The following KCNT2 variants were observed in gnomAD, a reference collection of about 807,000 sequenced individuals.
KCNT2 encodes the protein potassium sodium-activated channel subfamily T member 2, also known as potassium channel subfamily T member 2.
Under a neutral mutation model 153.8 loss-of-function variants are expected in KCNT2, and 67 were observed. The ratio of observed to expected loss-of-function variants is 0.44; its 90% CI spans 0.36 to 0.53. KCNT2 has a LOEUF of 0.53. Among genes scored for constraint, KCNT2 ranks in the 20% least tolerant of loss-of-function variants. The pLI is 0.00. For missense variants in KCNT2, 975 were observed against 1,354.8 expected (o/e 0.72, Z 4.40); for synonymous variants, 500 against 458.8 (o/e 1.09, Z -1.15).
chr1:196,530,879 C>A (rs1654843987), intron 1 of KCNT2, among the ~76,000 whole-genome samples: 1 of 152,028 alleles, frequency 6.6e-6, no homozygotes, highest in African/African-American at 2.4e-5. Context: ...GCTCATTTAA[C>A]AATAGGCCAT....
chr1:196,450,817 G>A (rs539697789), intron 8 of KCNT2, among the ~76,000 whole-genome samples: 6 of 151,924 alleles, frequency 3.9e-5, no homozygotes, highest in African/African-American at 4.8e-5. Flanking sequence ...ATCTGAGTAC[G>A]TTCTTCAAAT....
chr1:196,352,684 G>T (rs973310136), intron 14 of KCNT2, among the ~76,000 whole-genome samples: 5 of 152,012 alleles, frequency 3.3e-5, no homozygotes, highest in Admixed American at 3.3e-4. Context: ...TTTTTGAAGG[G>T]TTTTTTGTGC....
chr1:196,466,541 T>A (rs920397598), intron 7 of KCNT2, among the ~76,000 whole-genome samples: 3 of 152,110 alleles, frequency 2.0e-5, no homozygotes, highest in Non-Finnish European at 4.4e-5. Context: ...CAAACAAGTA[T>A]AATTTTCAAT....
At chr1:196,412,082 T>C (rs1000828756) in intron 12 of KCNT2, among the ~76,000 whole-genome samples, 1 of 151,842 alleles carries the variant, frequency 6.6e-6, no homozygotes, top group African/African-American at 2.4e-5. Flanking sequence ...TGATGTGTTC[T>C]ATAAATAATG....
chr1:196,518,034 T>C (rs1288785122), intron 1 of KCNT2, among the ~76,000 whole-genome samples: 3 of 152,118 alleles, frequency 2.0e-5, no homozygotes, highest in Non-Finnish European at 4.4e-5. Context: ...GTCACATACA[T>C]AGGAAACCCC....
At chr1:196,259,114 A>G (rs1388423605) in intron 25 of KCNT2, among the ~76,000 whole-genome samples, 1 of 152,166 alleles carries the variant, frequency 6.6e-6, no homozygotes, top group Non-Finnish European at 1.5e-5. Flanking sequence ...ATATTAAAAC[A>G]TAATTCAGGA....
chr1:196,241,184 T>C (rs1423730061), intron 26 of KCNT2, among the ~76,000 whole-genome samples: 1 of 150,584 alleles, frequency 6.6e-6, no homozygotes, highest in Non-Finnish European at 1.5e-5. Context: ...AGAAAGAGGG[T>C]TTTGTTTTGT....
intron 1 of KCNT2, among the ~76,000 whole-genome samples, chr1:196,513,549 A>G (rs1238464624): frequency 6.6e-6 from 1 of 152,222 alleles, no homozygotes; most frequent in African/African-American, 2.4e-5. Flanking sequence ...TTCAACAAGA[A>G]TATTCATTTG....
intron 1 of KCNT2, among the ~76,000 whole-genome samples, chr1:196,505,611 T>C (rs1347691473): frequency 6.6e-6 from 1 of 152,190 alleles, no homozygotes; most frequent in Non-Finnish European, 1.5e-5. Flanking sequence ...TTTCTTCCAA[T>C]TCTGTGAAGA....
chr1:196,479,288 T>A, intron 4 of KCNT2, 50 bp from the exon 5 acceptor site: 1 of 1,084,518 alleles, frequency 9.2e-7, no homozygotes, highest in Non-Finnish European at 1.4e-6. Flanking sequence ...AATTAAATTA[T>A]ATATATTCTT....
intron 26 of KCNT2, among the ~76,000 whole-genome samples, chr1:196,244,908 T>C (rs1655296788): frequency 6.6e-6 from 1 of 152,160 alleles, no homozygotes; most frequent in Non-Finnish European, 1.5e-5. Context: ...CCCCATAGTG[T>C]GTTGGCTTCA....
At chr1:196,297,291 T>A (rs567082699) in intron 22 of KCNT2, among the ~76,000 whole-genome samples, 1 of 152,264 alleles carries the variant, frequency 6.6e-6, no homozygotes, top group African/African-American at 2.4e-5. Flanking sequence ...TTTTATTAAC[T>A]TAGTTACATA....
intron 21 of KCNT2, among the ~76,000 whole-genome samples, chr1:196,305,812 C>CAAAT (rs1661575069): frequency 1.3e-5 from 2 of 152,208 alleles, no homozygotes; most frequent in South Asian, 2.1e-4. Context: ...AATGTCAAAT[C>CAAAT]TTGCTACAAC....
At chr1:196,262,843 G>A (rs1657154456) in intron 25 of KCNT2, among the ~76,000 whole-genome samples, 1 of 152,046 alleles carries the variant, frequency 6.6e-6, no homozygotes, top group Admixed American at 6.6e-5. Flanking sequence ...TAAATAAGCT[G>A]TGTTTTCAAC....
intron 1 of KCNT2, among the ~76,000 whole-genome samples, chr1:196,578,638 C>T (rs1661657453): frequency 6.6e-6 from 1 of 152,082 alleles, no homozygotes; most frequent in African/African-American, 2.4e-5. Flanking sequence ...AATTCTTTTA[C>T]AATTAAGCCT....
At position 196,258,304 on chromosome 1, in the gene KCNT2, T is replaced by G; in HGVS notation, c.3101A>C (p.Glu1034Ala). Reference protein sequence around the residue: ...KGPKHSGKTAEKITQQRLNLY... With the variant: ...KGPKHSGKTAAKITQQRLNLY... ...GTTCAGTCGCTGCTGGGTTATTTTT[T>G]CAGCTGTTTTACCAGAGTGTTTTGG... The change falls in exon 26 of 28, where the codon GAA becomes GCA. Residue 1034 changes from glutamate to alanine, a missense_variant. By Grantham distance (107) the Glu-to-Ala change is moderately radical. Coordinates refer to ENST00000294725, the MANE Select transcript of KCNT2 (RefSeq NM_198503.5). The G allele has an allele frequency of 6.2e-7, 1 of 1,614,086 alleles. No homozygotes were observed. The highest frequency in any genetic ancestry group is 8.5e-7 in the Non-Finnish European group (1 of 1,179,966).
intron 23 of KCNT2, 64 bp downstream of exon 23, chr1:196,285,593 A>C (rs1659581294): frequency 9.8e-7 from 1 of 1,023,988 alleles, no homozygotes; most frequent in South Asian, 1.5e-5. Context: ...TGTATTATTC[A>C]TTTAAATAAA....
At chr1:196,357,032 A>G (rs1463208008) in intron 14 of KCNT2, among the ~76,000 whole-genome samples, 1 of 151,894 alleles carries the variant, frequency 6.6e-6, no homozygotes. Context: ...TTGATTTTCT[A>G]TTTTGGAACC....
chr1:196,397,903 G>A (rs1276210897), intron 13 of KCNT2, among the ~76,000 whole-genome samples: 1 of 151,086 alleles, frequency 6.6e-6, no homozygotes, highest in Non-Finnish European at 1.5e-5. Context: ...TGGGGAAAAC[G>A]TGCACTTGAA....
Sources: gnomAD v4.1 joint callset for allele counts (sites outside exome capture counted in the v4.1 genomes callset) on GRCh38, gnomAD v4.1.1 for gene constraint, MANE v1.5 for transcripts, NCBI Gene and HGNC (gene_info 2026-07-23, HGNC 2026-07-21) for gene names.